DNAI2: variants seen among roughly 807,000 people sequenced by gnomAD.
DNAI2 encodes dynein, axonemal, intermediate polypeptide 2.
Under a neutral mutation model 74.7 loss-of-function variants are expected in DNAI2, and 63 were observed. That is an observed-to-expected ratio of 0.84 (90% CI 0.69 to 1.04). The LOEUF (loss-of-function observed/expected upper bound fraction) is 1.04. Among genes scored for constraint, DNAI2 ranks in the 50% least tolerant of loss-of-function variants. The pLI, the probability that DNAI2 is intolerant of heterozygous loss-of-function variation, is 0.00. For synonymous variants in DNAI2, 289 were observed against 314.9 expected, an observed-to-expected ratio of 0.92 and a Z score of 0.87; for missense variants, 688 against 803.2, an observed-to-expected ratio of 0.86 and a Z score of 1.73.
At chr17:74,298,648 G>A (rs902125010) in intron 6 of DNAI2, among the ~76,000 whole-genome samples, 4 of 152,090 alleles carry the variant, frequency 2.6e-5, no homozygotes, top group African/African-American at 9.7e-5. Context: ...TGTCACCCAG[G>A]CTGGGGTGTA....
intron 1 of DNAI2, among the ~76,000 whole-genome samples, chr17:74,280,083 A>G (rs1033314994): frequency 1.3e-5 from 2 of 152,178 alleles, no homozygotes; most frequent in Non-Finnish European, 2.9e-5. Flanking sequence ...TGGCAGGTAC[A>G]CAGGTCAAAG....
In DNAI2 at chr17:74,287,039, C is replaced by T. The variant is rs770624431; in HGVS notation, c.408C>T (p.Asp136=). Residue 136 remains aspartate, a synonymous_variant, in exon 4 of 14, where the codon GAC becomes GAT. Transcript: ENST00000311014. ...AIDIYEEYFN[D]EEAMEVMEED... is the part of the protein sequence containing the mutation. ...ACATCTATGAAGAGTATTTCAATGA[C>T]GAGGAGGCCATGGAAGTGATGGAGG... 31 of 1,613,696 alleles carry T rather than the reference C, an allele frequency of 1.9e-5. No individual in the cohort carries two copies. In the Middle Eastern group the frequency reaches 4.9e-4, roughly 26 times the overall value.
intron 8 of DNAI2, among the ~76,000 whole-genome samples, chr17:74,302,256 C>T (rs1341983792): frequency 6.6e-6 from 1 of 151,716 alleles, no homozygotes. Flanking sequence ...CATAGCAAGA[C>T]ACTGTCCCTA....
rs60685363 is a variant in DNAI2, at chr17:74,310,819, C to T, written c.1494+656C>T. Among the ~76,000 whole-genome samples, 1,486 of 152,196 alleles carry T rather than the reference C, an allele frequency of 9.8e-3. 19 individuals carry two copies. The highest frequency in any genetic ancestry group is 0.031 in the African/African-American group (1,293 of 41,528). On this transcript the variant is annotated intron_variant, in intron 11 of 13. Transcript: ENST00000311014. ...CCTCCGAAAGTGCTGGGATTATAGGCGTGAGCCACCGTGCCCAGCCTAATT... is the reference window on the plus strand; with the variant it reads ...CCTCCGAAAGTGCTGGGATTATAGGTGTGAGCCACCGTGCCCAGCCTAATT...
chr17:74,302,169 A>G (rs1391662534), intron 8 of DNAI2, among the ~76,000 whole-genome samples: 1 of 149,810 alleles, frequency 6.7e-6, no homozygotes, highest in Non-Finnish European at 1.5e-5. Context: ...CGTGGCTCAC[A>G]CCTGTAATCC....
At chr17:74,301,945 AGG>A in intron 8 of DNAI2, among the ~76,000 whole-genome samples, 1 of 24,870 alleles carries the variant, frequency 4.0e-5, no homozygotes, top group African/African-American at 1.7e-4. Flanking sequence ...GAAGGAAGGA[AGG>A]AAGGAAGGAA....
Position 74,285,154 on chromosome 17 carries a change from G to T in DNAI2, c.298G>T (p.Val100Leu). Residue 100 changes from valine to leucine, a missense_variant, in exon 3 of 14, where the codon GTG becomes TTG. Physicochemically the swap from Val to Leu is conservative, Grantham distance 32. Coordinates refer to ENST00000311014, the MANE Select transcript of DNAI2 (RefSeq NM_023036.6). ...LEQTIRFRKK[V>L]EKDENYVNAI... is the part of the protein sequence containing the mutation. ...GCAGACCATCCGTTTCCGGAAGAAA[G>T]TGGAGAAAGATGAGAACTACGTTAA... 1 of 1,614,250 alleles carries T rather than the reference G, an allele frequency of 6.2e-7. No homozygotes were observed. The highest frequency in any genetic ancestry group is 1.1e-5 in the South Asian group (1 of 91,086).
Position 74,312,054 on chromosome 17 carries a change from G to C in DNAI2, c.1546G>C (p.Glu516Gln). ...REKILEARHR[E>Q]MRLKEKGKAE... ...GAAGATCCTGGAGGCCAGGCACCGG[G>C]AGATGCGGCTGAAGGAGAAGGGTAA... Residue 516 changes from glutamate to glutamine, a missense_variant, in exon 12 of 14, where the codon GAG becomes CAG. By Grantham distance (29) the Glu-to-Gln change is conservative. Coordinates refer to ENST00000311014, the MANE Select transcript of DNAI2 (RefSeq NM_023036.6). 6.2e-7 allele frequency: 1 copy of C among 1,612,502 alleles called. No individual in the cohort carries two copies. The highest frequency in any genetic ancestry group is 8.5e-7 in the Non-Finnish European group (1 of 1,179,800).
chr17:74,306,376 C>A (rs1022418073), intron 9 of DNAI2, among the ~76,000 whole-genome samples: 3 of 152,194 alleles, frequency 2.0e-5, no homozygotes, highest in African/African-American at 4.8e-5. Flanking sequence ...AGGTAATAAG[C>A]CCGAATTCTA....
At chr17:74,312,469 T>G (rs1341978057) in intron 12 of DNAI2, among the ~76,000 whole-genome samples, 1 of 152,122 alleles carries the variant, frequency 6.6e-6, no homozygotes, top group Non-Finnish European at 1.5e-5. Context: ...CCTCCTGGTA[T>G]CCTCCCCTCC....
intron 1 of DNAI2, among the ~76,000 whole-genome samples, chr17:74,277,550 T>TCCTGCTG (rs2051167820): frequency 6.6e-6 from 1 of 152,168 alleles, no homozygotes; most frequent in African/African-American, 2.4e-5. Flanking sequence ...ACCCTCCTTC[T>TCCTGCTG]CCCCACCTGC....
rs2053702011 is a variant in DNAI2 at position 74,314,281 on chromosome 17, C to T, written c.*55+10C>T. 8 of 1,608,980 alleles carry T rather than the reference C, an allele frequency of 5.0e-6. No individual in the cohort carries two copies. Among genetic ancestry groups the T allele is most frequent in the Non-Finnish European group, 6.8e-6 (8 of 1,176,850 alleles). ...CCTTTCCCACCTCTTGGTATTGCCC[C>T]GCTCTCACAAGTGGGAGGCTGAGCT... On this transcript the variant is annotated intron_variant, in intron 13 of 13. Transcript: ENST00000311014.
chr17:74,311,859 C>A, intron 11 of DNAI2, 144 bp from the exon 12 acceptor site: 2 of 793,444 alleles, frequency 2.5e-6, no homozygotes, highest in Non-Finnish European at 4.2e-6. Flanking sequence ...TCCTTGACAC[C>A]AGCCCTGGGT....
At chr17:74,291,588 C>T (rs909360071) in intron 6 of DNAI2, among the ~76,000 whole-genome samples, 1 of 152,238 alleles carries the variant, frequency 6.6e-6, no homozygotes, top group African/African-American at 2.4e-5. Flanking sequence ...ACTGCAGACA[C>T]GGGTGAGGCA....
At chr17:74,301,486 A>G (rs187424175) in intron 8 of DNAI2, among the ~76,000 whole-genome samples, 28 of 152,324 alleles carry the variant, frequency 1.8e-4, no homozygotes, top group African/African-American at 6.5e-4. Context: ...GGTCACGCCC[A>G]GGACCAACAT....
intron 12 of DNAI2, 25 bp from the exon 13 acceptor site, chr17:74,314,096 A>G: frequency 6.2e-7 from 1 of 1,613,156 alleles, no homozygotes; most frequent in Non-Finnish European, 8.5e-7. Context: ...CAACACCAAC[A>G]CTTCTGTGCT....
chr17:74,287,214 C>G, intron 4 of DNAI2, 116 bp downstream of exon 4: 1 of 1,489,830 alleles, frequency 6.7e-7, no homozygotes, highest in Non-Finnish European at 9.1e-7. Flanking sequence ...TGTCTGTGCT[C>G]TGAGCTTGAT....
At chr17:74,313,548 C>G (rs973252165) in intron 12 of DNAI2, among the ~76,000 whole-genome samples, 6 of 152,160 alleles carry the variant, frequency 3.9e-5, no homozygotes, top group Admixed American at 3.3e-4. Flanking sequence ...CTGGTAGGCA[C>G]CATGCTTTGT....
chr17:74,280,846 G>A (rs957678767), intron 1 of DNAI2, among the ~76,000 whole-genome samples: 1 of 152,180 alleles, frequency 6.6e-6, no homozygotes, highest in Non-Finnish European at 1.5e-5. Flanking sequence ...CAGCACTTTG[G>A]GAGGCTGAGG....
Sources: gnomAD v4.1 joint callset for allele counts (sites outside exome capture counted in the v4.1 genomes callset) on GRCh38, gnomAD v4.1.1 for gene constraint, MANE v1.5 for transcripts, NCBI Gene and HGNC (gene_info 2026-07-23, HGNC 2026-07-21) for gene names.